Variants in AGAP1 observed in about 807,000 individuals in gnomAD.
The protein encoded by AGAP1 is arf-GAP with GTPase, ANK repeat and PH domain-containing protein 1.
In AGAP1, 29 loss-of-function variants were observed where a neutral mutation model predicts 105.3. The ratio of observed to expected loss-of-function variants is 0.28; its 90% confidence interval spans 0.21 to 0.38. The LOEUF is 0.38. AGAP1 is among the 10% of genes least tolerant of loss of function. The probability of loss-of-function intolerance (pLI) is 1.00; values close to 1 mark genes in which losing one functional copy is unlikely to be tolerated. For synonymous variants in AGAP1, 509 were observed against 485.9 expected (o/e 1.05, Z -0.63); for missense variants, 998 against 1,165.1 (o/e 0.86, Z 2.09).
Position 235,788,475 on chromosome 2 carries a change from G to A in AGAP1, c.674-9284G>A, listed in dbSNP as rs752551382. ...GAGAGCAATGCTGAGGGAAGGTGAGGCAGGGTGGGGAGAGGAGTGGGAGGG... is the reference window on the plus strand; with the variant it reads ...GAGAGCAATGCTGAGGGAAGGTGAGACAGGGTGGGGAGAGGAGTGGGAGGG... On this transcript the variant is annotated intron_variant, in intron 6 of 17. Coordinates refer to ENST00000304032, the MANE Select transcript of AGAP1 (RefSeq NM_001037131.3). This position sits in a 1 kb window ranked among gnomAD's most constrained non-coding sequence, Gnocchi z 6.0. Among the ~76,000 whole-genome samples, 10 of 151,988 alleles carry A rather than the reference G, an allele frequency of 6.6e-5. No homozygotes were observed. The highest frequency in any genetic ancestry group is 1.2e-4 in the Non-Finnish European group (8 of 68,006).
At chr2:235,846,290 T>C (rs967491633) in intron 9 of AGAP1, among the ~76,000 whole-genome samples, 5 of 152,210 alleles carry the variant, frequency 3.3e-5, no homozygotes, top group African/African-American at 1.2e-4. Flanking sequence ...AGAGTTTGCA[T>C]GTACATCTTC....
In AGAP1 at chr2:235,705,707, A is replaced by G. The variant is rs936891030; in HGVS notation, c.164-3472A>G. 6.6e-6 allele frequency among the ~76,000 whole-genome samples: 1 copy of G among 152,200 alleles called. No homozygotes were observed. The highest frequency in any genetic ancestry group is 1.9e-4 in the East Asian group (1 of 5,196). The stretch of plus-strand genomic sequence containing the variant: ...TAAAATAAATACTTTTTAATGGGAG[A>G]TGAAGAGTTTTGGCCAATTGAGTCA... On this transcript the variant is annotated intron_variant, in intron 1 of 17. Transcript: ENST00000304032. The surrounding 1 kb of genome is among the most constrained non-coding windows in gnomAD (Gnocchi z 4.9).
rs1194886576 is a variant in AGAP1 at position 235,931,869 on chromosome 2, A to G, written c.1483+946A>G. ...AGTCAGCGAGGTAGCTCCACACCAT[A>G]GCGGTGCGGGTCTGGAAGAGCCTTG... On this transcript the variant is annotated intron_variant, in intron 12 of 17. Transcript: ENST00000304032. This position sits in a 1 kb window ranked among gnomAD's most constrained non-coding sequence, Gnocchi z 5.6. Among the ~76,000 whole-genome samples the G allele has an allele frequency of 6.6e-6, 1 of 152,030 alleles. No homozygotes were observed. Among genetic ancestry groups the G allele is most frequent in the Non-Finnish European group, 1.5e-5 (1 of 68,022 alleles).
chr2:235,755,110 G>A (rs139233701), intron 6 of AGAP1, among the ~76,000 whole-genome samples: 374 of 152,252 alleles, frequency 2.5e-3, no homozygotes, highest in Non-Finnish European at 4.5e-3. Flanking sequence ...GGGCTGGGGC[G>A]GGCTGGATGT....
chr2:236,088,926 G>A (rs2058994678), intron 16 of AGAP1, among the ~76,000 whole-genome samples: 1 of 152,164 alleles, frequency 6.6e-6, no homozygotes, highest in African/African-American at 2.4e-5. Flanking sequence ...CGATCATGAT[G>A]GTGATCGTCA....
At chr2:235,890,664 C>T (rs138595334) in intron 10 of AGAP1, among the ~76,000 whole-genome samples, 53 of 152,312 alleles carry the variant, frequency 3.5e-4, no homozygotes, top group African/African-American at 1.2e-3. Context: ...CTGCTGCAGA[C>T]GCTCAGGCTA....
rs1401770451 is a variant in AGAP1, at chr2:235,551,373, T to C, written c.163+56524T>C. 6.6e-6 allele frequency among the ~76,000 whole-genome samples: 1 copy of C among 152,020 alleles called. No homozygotes were observed. Among genetic ancestry groups the C allele is most frequent in the Non-Finnish European group, 1.5e-5 (1 of 68,002 alleles). The stretch of plus-strand genomic sequence containing the variant: ...AGGTTGGAGTGCAGTGGCTTGATCA[T>C]AGCTCACTGCAGCCTCAACCTCCCC... On this transcript the variant is annotated intron_variant, in intron 1 of 17. Transcript: ENST00000304032. This position sits in a 1 kb window ranked among gnomAD's most constrained non-coding sequence, Gnocchi z 4.8.
rs1426638840 is a variant in AGAP1 at position 235,621,876 on chromosome 2, G to A, written c.164-87303G>A. On this transcript the variant is annotated intron_variant, in intron 1 of 17. Transcript: ENST00000304032. The surrounding 1 kb of genome is among the most constrained non-coding windows in gnomAD (Gnocchi z 4.1). ...AGTTGGGTAGGAGTGGAGGAGGGGT[G>A]CGATCGGAAGGGAGTGCCGCGCAGA... 1.3e-5 allele frequency among the ~76,000 whole-genome samples: 2 copies of A among 150,530 alleles called. No homozygotes were observed. Among genetic ancestry groups the A allele is most frequent in the Non-Finnish European group, 3.0e-5 (2 of 67,618 alleles).
chr2:235,764,198 C>T (rs562553560), intron 6 of AGAP1, among the ~76,000 whole-genome samples: 31 of 152,332 alleles, frequency 2.0e-4, no homozygotes, highest in African/African-American at 6.5e-4. Flanking sequence ...ATCTGAAGTA[C>T]ACTTCAAAGG....
At chr2:235,523,139 G>C (rs1465780436) in intron 1 of AGAP1, among the ~76,000 whole-genome samples, 1 of 152,156 alleles carries the variant, frequency 6.6e-6, no homozygotes, top group African/African-American at 2.4e-5. Flanking sequence ...TGGAGAGAGA[G>C]AGAGAAAGGC....
At chr2:235,647,819 G>A (rs957000732) in intron 1 of AGAP1, among the ~76,000 whole-genome samples, 2 of 152,118 alleles carry the variant, frequency 1.3e-5, no homozygotes, top group South Asian at 2.1e-4. Context: ...GCTGACCAGT[G>A]TGTGGAGACC....
At chr2:235,672,823 A>T (rs1450215873) in intron 1 of AGAP1, among the ~76,000 whole-genome samples, 1 of 152,214 alleles carries the variant, frequency 6.6e-6, no homozygotes, top group East Asian at 1.9e-4. Context: ...TGGAGTTTGG[A>T]TAGTTCCTCT....
chr2:235,634,908 A>G (rs1288446687), intron 1 of AGAP1, among the ~76,000 whole-genome samples: 6 of 152,214 alleles, frequency 3.9e-5, no homozygotes, highest in Non-Finnish European at 2.9e-5. Flanking sequence ...TGTTTGTTCC[A>G]TGTACGAGTG....
chr2:236,064,599 A>G (rs1432657454), intron 16 of AGAP1, among the ~76,000 whole-genome samples: 2 of 152,150 alleles, frequency 1.3e-5, no homozygotes, highest in African/African-American at 4.8e-5. Flanking sequence ...CCGTCTTAAA[A>G]CTAAATAAAT....
Position 235,701,053 on chromosome 2 carries a change from A to G in AGAP1, c.164-8126A>G, listed in dbSNP as rs1417080995. On this transcript the variant is annotated intron_variant, in intron 1 of 17. Coordinates refer to ENST00000304032, the MANE Select transcript of AGAP1 (RefSeq NM_001037131.3). The surrounding 1 kb of genome is among the most constrained non-coding windows in gnomAD (Gnocchi z 4.1). ...TGCTATAATATAGTTATATGTATAT[A>G]TTATATATGCTATAATATAGTTATA... Among the ~76,000 whole-genome samples, 1 of 134,930 alleles carries G rather than the reference A, an allele frequency of 7.4e-6. No homozygotes were observed. The highest frequency in any genetic ancestry group is 1.5e-5 in the Non-Finnish European group (1 of 65,668). The allele number at this position is 134,930 out of a possible 152,430, so 88.5% of individuals were successfully genotyped here.
intron 3 of AGAP1, 141 bp downstream of exon 3, chr2:235,717,785 T>C: frequency 1.4e-6 from 1 of 712,430 alleles, no homozygotes; most frequent in Non-Finnish European, 2.3e-6. Context: ...CCCTTAAGTA[T>C]GTGGTTTCTT....
At chr2:236,022,082 A>G (rs1559199542) in intron 13 of AGAP1, among the ~76,000 whole-genome samples, 1 of 149,304 alleles carries the variant, frequency 6.7e-6, no homozygotes, top group Non-Finnish European at 1.5e-5. Context: ...AAAAAAAGGC[A>G]CATATGGCAC....
At chr2:235,687,723 C>A (rs539269638) in intron 1 of AGAP1, among the ~76,000 whole-genome samples, 1 of 152,262 alleles carries the variant, frequency 6.6e-6, no homozygotes, top group South Asian at 2.1e-4. Flanking sequence ...ATCTTCTTCG[C>A]AGGATGTGGC....
At chr2:235,998,657 G>A (rs1180728597) in intron 13 of AGAP1, among the ~76,000 whole-genome samples, 5 of 151,962 alleles carry the variant, frequency 3.3e-5, no homozygotes, top group African/African-American at 7.2e-5. Flanking sequence ...ATGGTGAGAG[G>A]TGGTGGTGGT....
Sources: gnomAD v4.1 joint callset for allele counts (sites outside exome capture counted in the v4.1 genomes callset) on GRCh38, gnomAD v4.1.1 for gene constraint, Gnocchi (gnomAD v3.1) non-coding constraint, MANE v1.5 for transcripts, NCBI Gene and HGNC (gene_info 2026-07-23, HGNC 2026-07-21) for gene names.